The following VPS13B variants were observed in gnomAD, a reference collection of about 807,000 sequenced individuals.
The protein encoded by VPS13B is vacuolar protein sorting 13 homolog B, also known as intermembrane lipid transfer protein VPS13B.
VPS13B carries 285 observed loss-of-function variants against 426.4 expected under a neutral mutation model. The observed-to-expected ratio is 0.67, with a 90% confidence interval of 0.61 to 0.74. The LOEUF is 0.74. Ranked by LOEUF, VPS13B falls within the 30% of genes least tolerant of loss-of-function variation. VPS13B has a pLI of 0.00. For synonymous variants in VPS13B, 1,676 were observed against 1,676.4 expected (o/e 1.00, Z 0.01); for missense variants, 4,537 against 4,782.6 (o/e 0.95, Z 1.51).
intron 34 of VPS13B, among the ~76,000 whole-genome samples, chr8:99,654,297 C>G (rs937895967): frequency 1.1e-4 from 17 of 152,010 alleles, no homozygotes; most frequent in Non-Finnish European, 1.9e-4. Flanking sequence ...ATCCGCCCGC[C>G]TCGGCCTTCC....
chr8:99,317,156 G>C (rs917632585), intron 19 of VPS13B, among the ~76,000 whole-genome samples: 3 of 152,118 alleles, frequency 2.0e-5, no homozygotes, highest in Non-Finnish European at 2.9e-5. Flanking sequence ...CCTCTTTGAG[G>C]TTATCCCAGA....
At chr8:99,083,893 A>G (rs1486974839) in intron 3 of VPS13B, among the ~76,000 whole-genome samples, 11 of 146,926 alleles carry the variant, frequency 7.5e-5, no homozygotes, top group Non-Finnish European at 1.3e-4. Flanking sequence ...ATAGATGTTC[A>G]TCAGGGATAT....
intron 19 of VPS13B, among the ~76,000 whole-genome samples, chr8:99,383,093 A>T (rs1813911679): frequency 6.6e-6 from 1 of 152,226 alleles, no homozygotes. Flanking sequence ...ACCCGCACAT[A>T]AATTGAGAAT....
chr8:99,782,058 G>T (rs1812050580), intron 42 of VPS13B, among the ~76,000 whole-genome samples: 1 of 152,098 alleles, frequency 6.6e-6, no homozygotes, highest in Non-Finnish European at 1.5e-5. Context: ...TAACAGGCAG[G>T]ACATTCAGAA....
intron 30 of VPS13B, 136 bp downstream of exon 30, chr8:99,521,146 AT>A (rs1822362847): frequency 4.1e-6 from 3 of 728,914 alleles, no homozygotes; most frequent in South Asian, 1.7e-5. Context: ...GGTTTTTCTG[AT>A]TTTCTTCAGT....
chr8:99,322,241 C>T (rs1255049053), intron 19 of VPS13B, among the ~76,000 whole-genome samples: 4 of 152,160 alleles, frequency 2.6e-5, no homozygotes, highest in Non-Finnish European at 4.4e-5. Context: ...TGGAACACTT[C>T]AGAGCCAACT....
intron 23 of VPS13B, among the ~76,000 whole-genome samples, chr8:99,462,103 T>TCTTC (rs201375500): frequency 1.5e-4 from 22 of 146,878 alleles, no homozygotes; most frequent in African/African-American, 4.1e-4. Flanking sequence ...TTCCTTCCTT[T>TCTTC]CTTCCTTCCT....
At chr8:99,596,547 C>G (rs1827027267) in intron 33 of VPS13B, among the ~76,000 whole-genome samples, 1 of 151,924 alleles carries the variant, frequency 6.6e-6, no homozygotes, top group South Asian at 2.1e-4. Context: ...TGAGGTATCT[C>G]ACTGGCTTGG....
Position 99,556,785 on chromosome 8 carries a change from A to C in VPS13B, c.4949+132A>C, listed in dbSNP as rs1824596169. The C allele has an allele frequency of 6.9e-6, 7 of 1,009,078 alleles. No homozygotes were observed. In the African/African-American group the frequency reaches 9.6e-5, roughly 14 times the overall value. The allele number at this position is 1,009,078 out of a possible 1,614,324, so 62.5% of individuals were successfully genotyped here. Reference sequence around the variant, plus strand: ...CTTCTGCTTTTCATTATAAGCATAAAAAATATTTTGTAATTGTAGCTGATG... The same window carrying C: ...CTTCTGCTTTTCATTATAAGCATAACAAATATTTTGTAATTGTAGCTGATG... On this transcript the variant is annotated intron_variant, in intron 31 of 61. Transcript: ENST00000357162.
intron 36 of VPS13B, among the ~76,000 whole-genome samples, chr8:99,700,734 G>A (rs976984566): frequency 1.4e-4 from 21 of 152,236 alleles, no homozygotes; most frequent in African/African-American, 4.8e-4. Context: ...AGCATGGGAA[G>A]TGTGGGCAGA....
In VPS13B at chr8:99,117,152, AG is replaced by A. The variant is rs531034524; in HGVS notation, c.937+1282del. Among the ~76,000 whole-genome samples, 113 of 152,360 alleles carry A rather than the reference AG, an allele frequency of 7.4e-4. 1 individual carries two copies. The highest frequency in any genetic ancestry group is 2.8e-3 in the Admixed American group (43 of 15,300). On this transcript the variant is annotated intron_variant, in intron 7 of 61. Transcript: ENST00000357162. The stretch of plus-strand genomic sequence containing the variant: ...CCTAAGAGAAGGGCATTTAAAACTT[AG>A]GGGCAAATAACCCAATTAAAAATGG...
chr8:99,103,751 C>T (rs965920438), intron 5 of VPS13B, among the ~76,000 whole-genome samples: 6 of 151,892 alleles, frequency 4.0e-5, no homozygotes, highest in East Asian at 1.9e-4. Flanking sequence ...CACCCGCCTC[C>T]GCCTTCCAAA....
intron 34 of VPS13B, among the ~76,000 whole-genome samples, chr8:99,659,086 C>T (rs1179955466): frequency 6.6e-6 from 1 of 152,142 alleles, no homozygotes; most frequent in African/African-American, 2.4e-5. Flanking sequence ...ATGCTCACCT[C>T]GGCCTTCCAA....
intron 31 of VPS13B, among the ~76,000 whole-genome samples, chr8:99,558,814 G>T (rs1019888790): frequency 6.6e-6 from 1 of 152,138 alleles, no homozygotes; most frequent in African/African-American, 2.4e-5. Context: ...TATCATTGAT[G>T]GACATTTGGG....
chr8:99,797,370 G>A (rs1812897560), intron 43 of VPS13B, among the ~76,000 whole-genome samples: 1 of 151,996 alleles, frequency 6.6e-6, no homozygotes, highest in African/African-American at 2.4e-5. Context: ...TTCCAAAAGT[G>A]CTGGGATTAC....
intron 7 of VPS13B, among the ~76,000 whole-genome samples, chr8:99,118,128 T>C (rs902478047): frequency 6.6e-6 from 1 of 152,172 alleles, no homozygotes; most frequent in East Asian, 1.9e-4. Context: ...ACTTGATTTA[T>C]TTTTTTCCAA....
chr8:99,306,824 T>C (rs1405487394), intron 19 of VPS13B, among the ~76,000 whole-genome samples: 1 of 152,046 alleles, frequency 6.6e-6, no homozygotes, highest in Non-Finnish European at 1.5e-5. Context: ...ATTTATGAAG[T>C]GGGATGATAG....
chr8:99,102,709 T>C (rs546155417), intron 4 of VPS13B, among the ~76,000 whole-genome samples: 3 of 152,196 alleles, frequency 2.0e-5, no homozygotes, highest in Non-Finnish European at 4.4e-5. Flanking sequence ...CTTTGTGGTT[T>C]CTCTTAGTAT....
At chr8:99,350,024 G>A (rs1422658233) in intron 19 of VPS13B, among the ~76,000 whole-genome samples, 1 of 152,186 alleles carries the variant, frequency 6.6e-6, no homozygotes, top group Non-Finnish European at 1.5e-5. Flanking sequence ...TCAGTGTTAT[G>A]AGATTATACA....
Sources: gnomAD v4.1 joint callset for allele counts (sites outside exome capture counted in the v4.1 genomes callset) on GRCh38, gnomAD v4.1.1 for gene constraint, MANE v1.5 for transcripts, NCBI Gene and HGNC (gene_info 2026-07-23, HGNC 2026-07-21) for gene names.